The following APOH variants were observed in gnomAD, a reference collection of about 807,000 sequenced individuals.
The protein encoded by APOH is beta-2-glycoprotein 1.
A neutral mutation model predicts 39.8 loss-of-function variants in APOH; 48 were observed. The ratio of observed to expected loss-of-function variants is 1.21; its 90% CI spans 0.96 to 1.54. The LOEUF is 1.54. Among genes scored for constraint, APOH ranks in the 40% most tolerant of loss-of-function variants. APOH has a pLI of 0.00. For synonymous variants in APOH, 153 were observed against 151.1 expected, an observed-to-expected ratio of 1.01 and a Z score of -0.09; for missense variants, 415 against 421.2, an observed-to-expected ratio of 0.99 and a Z score of 0.13.
rs779256247 is a variant in APOH, at chr17:66,228,003, AG to A, written c.241+16del. 27 of 1,603,166 alleles carry A rather than the reference AG, an allele frequency of 1.7e-5. No homozygotes were observed. The East Asian group carries it at 5.8e-4, about 35-fold the overall frequency. On this transcript the variant is annotated intron_variant, in intron 2 of 7. Transcript: ENST00000205948. Reference sequence around the variant, plus strand: ...TCCAAATGAGGGAAGAGAATGTGAGAGAAGGTACTGACTTACGTGTACATTT... The same window carrying A: ...TCCAAATGAGGGAAGAGAATGTGAGAAAGGTACTGACTTACGTGTACATTT...
At chr17:66,216,708 T>G in intron 6 of APOH, 80 bp downstream of exon 6, 1 of 1,398,834 alleles carries the variant, frequency 7.1e-7, no homozygotes, top group Non-Finnish European at 9.6e-7. Context: ...GGAAAAGTGT[T>G]GGAACAAGAA....
At chr17:66,212,214 T>C (rs772114469) in intron 7 of APOH, 26 bp from the exon 8 acceptor site, 1 of 1,598,046 alleles carries the variant, frequency 6.3e-7, no homozygotes, top group Admixed American at 1.7e-5. Flanking sequence ...AAGATAAACA[T>C]TCTAAGAGAA....
At position 66,223,452 on chromosome 17, in the gene APOH, CTTAGATA is replaced by C. The variant is rs557835222; in HGVS notation, c.415+239_415+245del. On this transcript the variant is annotated intron_variant, in intron 4 of 7. Transcript: ENST00000205948. The stretch of plus-strand genomic sequence containing the variant: ...AGTCAACACACCCAGAAATGACTGG[CTTAGATA>C]GAGTAATGACCGCGAGGTGGAGAAT... Among the ~76,000 whole-genome samples the C allele has an allele frequency of 2.8e-3, 431 of 152,286 alleles. 3 individuals carry two copies. The highest frequency in any genetic ancestry group is 0.01 in the African/African-American group (421 of 41,560).
At chr17:66,228,960 G>T (rs1227232265) in intron 1 of APOH, among the ~76,000 whole-genome samples, 2 of 151,798 alleles carry the variant, frequency 1.3e-5, no homozygotes, top group East Asian at 3.9e-4. Context: ...AGCCTCCCGA[G>T]TGGCTGGGAT....
At chr17:66,218,604 T>A (rs562833122) in intron 5 of APOH, among the ~76,000 whole-genome samples, 74 of 152,242 alleles carry the variant, frequency 4.9e-4, no homozygotes, top group African/African-American at 1.6e-3. Flanking sequence ...ATATTTAACA[T>A]GAATCTAATC....
intron 7 of APOH, among the ~76,000 whole-genome samples, chr17:66,213,397 T>C (rs1042055933): frequency 6.6e-6 from 1 of 152,248 alleles, no homozygotes; most frequent in African/African-American, 2.4e-5. Flanking sequence ...CTCTAATGGA[T>C]ACTTTTCAAA....
At chr17:66,223,478 G>A (rs1480235309) in intron 4 of APOH, among the ~76,000 whole-genome samples, 2 of 152,192 alleles carry the variant, frequency 1.3e-5, no homozygotes, top group Non-Finnish European at 2.9e-5. Flanking sequence ...ACCGCGAGGT[G>A]GAGAATACAG....
chr17:66,222,566 G>GTTTTTTT (rs2073408961), intron 4 of APOH, among the ~76,000 whole-genome samples: 1 of 112,106 alleles, frequency 8.9e-6, no homozygotes, highest in African/African-American at 3.6e-5. Context: ...CTTTCCACTT[G>GTTTTTTT]CTTTTTTTTT....
intron 5 of APOH, among the ~76,000 whole-genome samples, chr17:66,218,330 C>T (rs896963625): frequency 2.0e-5 from 3 of 149,522 alleles, no homozygotes; most frequent in South Asian, 2.1e-4. Context: ...TTTTTTTTGA[C>T]ACAGAGTCTC....
chr17:66,228,283 C>T (rs2073451939), intron 1 of APOH, 87 bp from the exon 2 acceptor site: 4 of 1,425,970 alleles, frequency 2.8e-6, no homozygotes, highest in Middle Eastern at 1.8e-4. Context: ...AATGTGTGTA[C>T]TGTTACCAAT....
rs752027615 is a variant in APOH, at chr17:66,214,434, C to T, written c.982+19G>A. 18 of 1,608,932 alleles carry T rather than the reference C, an allele frequency of 1.1e-5. No individual in the cohort carries two copies. Among genetic ancestry groups the T allele is most frequent in the African/African-American group, 5.4e-5 (4 of 74,714 alleles). On this transcript the variant is annotated intron_variant, in intron 7 of 7. Transcript: ENST00000205948. ...CGGGCAAGTGGGAGTCCTAGCTAAA[C>T]GTTCCAATGCAGACTTACCCTTGAA...
intron 3 of APOH, among the ~76,000 whole-genome samples, chr17:66,225,097 A>T (rs994458818): frequency 6.6e-6 from 1 of 151,954 alleles, no homozygotes; most frequent in Non-Finnish European, 1.5e-5. Context: ...ATGTAACATT[A>T]TGTCTTCGAA....
intron 4 of APOH, 69 bp from the exon 5 acceptor site, chr17:66,220,811 G>GAA (rs78195703): frequency 2.7e-5 from 33 of 1,235,402 alleles, no homozygotes; most frequent in African/African-American, 4.7e-5. Context: ...TTTCCAGAAA[G>GAA]AAAAAAAAAA....
intron 1 of APOH, 64 bp downstream of exon 1, chr17:66,229,252 A>G: frequency 7.4e-7 from 1 of 1,343,530 alleles, no homozygotes; most frequent in Non-Finnish European, 1.0e-6. Context: ...ATCATTATTG[A>G]TCCCTGACAT....
intron 6 of APOH, among the ~76,000 whole-genome samples, chr17:66,216,253 C>A (rs947986177): frequency 6.6e-6 from 1 of 151,606 alleles, no homozygotes; most frequent in Non-Finnish European, 1.5e-5. Context: ...GAGGCCGAGG[C>A]GGGCGGATCA....
At chr17:66,213,950 T>C (rs1230731383) in intron 7 of APOH, among the ~76,000 whole-genome samples, 2 of 150,692 alleles carry the variant, frequency 1.3e-5, no homozygotes, top group Non-Finnish European at 3.0e-5. Flanking sequence ...AAAAAAAAAA[T>C]TGGAAAGGAA....
chr17:66,220,426 G>A, intron 5 of APOH, 128 bp downstream of exon 5: 2 of 858,536 alleles, frequency 2.3e-6, no homozygotes, highest in Non-Finnish European at 3.7e-6. Context: ...CTGGCACATG[G>A]TAGATGCTCA....
intron 2 of APOH, among the ~76,000 whole-genome samples, chr17:66,226,368 T>G (rs1379640202): frequency 1.3e-5 from 2 of 152,252 alleles, no homozygotes; most frequent in Admixed American, 1.3e-4. Context: ...CGGGGAGCAG[T>G]GGCTCACGCC....
In APOH at chr17:66,217,800, G is replaced by A. The variant is rs143644310; in HGVS notation, c.605-833C>T. ...CCATCTCTACTAACAAAAATTAGCC[G>A]GGTGTGGTGGCATGCACCTGTAATC... On this transcript the variant is annotated intron_variant, in intron 5 of 7. Coordinates refer to ENST00000205948, the MANE Select transcript of APOH (RefSeq NM_000042.3). Among the ~76,000 whole-genome samples the A allele has an allele frequency of 1.5e-3, 227 of 152,128 alleles. 1 individual carries two copies. The highest frequency in any genetic ancestry group is 4.9e-3 in the African/African-American group (203 of 41,516).
Sources: gnomAD v4.1 joint callset for allele counts (sites outside exome capture counted in the v4.1 genomes callset) on GRCh38, gnomAD v4.1.1 for gene constraint, MANE v1.5 for transcripts, NCBI Gene and HGNC (gene_info 2026-07-23, HGNC 2026-07-21) for gene names.